The following NCOA7 variants were observed in gnomAD, a reference collection of about 807,000 sequenced individuals.
NCOA7 encodes the protein nuclear receptor coactivator 7, also known as 140 kDa estrogen receptor-associated protein.
NCOA7 carries 45 observed loss-of-function variants against 104.3 expected under a neutral mutation model. The observed-to-expected ratio is 0.43, with a 90% CI of 0.34 to 0.55. The LOEUF (loss-of-function observed/expected upper bound fraction) is 0.55, where lower values mean the gene tolerates loss of function less well. Among genes scored for constraint, NCOA7 ranks in the 20% least tolerant of loss-of-function variants. The pLI, the probability that NCOA7 is intolerant of heterozygous loss-of-function variation, is 0.02. For missense variants in NCOA7, 1,041 were observed against 1,119.7 expected, an observed-to-expected ratio of 0.93 and a Z score of 1.00; for synonymous variants, 398 against 402.3, an observed-to-expected ratio of 0.99 and a Z score of 0.13.
At chr6:125,922,591 G>A in intron 12 of NCOA7, 91 bp from the exon 13 acceptor site, 2 of 1,469,758 alleles carry the variant, frequency 1.4e-6, no homozygotes, top group Non-Finnish European at 1.9e-6. Flanking sequence ...ATGATACTGA[G>A]TTTGAATAAC....
chr6:125,867,735 T>C (rs1244718119), intron 3 of NCOA7, among the ~76,000 whole-genome samples: 1 of 152,230 alleles, frequency 6.6e-6, no homozygotes, highest in Non-Finnish European at 1.5e-5. Flanking sequence ...TACCACTAAA[T>C]TGGTGGATAC....
At chr6:125,873,208 A>G (rs1462381950) in intron 3 of NCOA7, among the ~76,000 whole-genome samples, 1 of 152,028 alleles carries the variant, frequency 6.6e-6, no homozygotes, top group Non-Finnish European at 1.5e-5. Flanking sequence ...GAGTTAATCA[A>G]CCTTCTCAGA....
intron 10 of NCOA7, among the ~76,000 whole-genome samples, chr6:125,912,826 A>C (rs934416207): frequency 1.3e-5 from 2 of 152,234 alleles, no homozygotes; most frequent in East Asian, 3.8e-4. Flanking sequence ...CAAAAAATAC[A>C]TATTCATATT....
chr6:125,886,433 GA>G (rs1322487354), intron 8 of NCOA7, among the ~76,000 whole-genome samples: 16 of 152,104 alleles, frequency 1.1e-4, no homozygotes, highest in Non-Finnish European at 1.5e-5. Context: ...TTCAGCCTAG[GA>G]TATTAAGTAT....
Position 125,889,074 on chromosome 6 carries a change from T to G in NCOA7, c.1020T>G (p.Ile340Met). ...AACGACAGCAGAATGGAGAGAAAAT[T>G]ATGACTTCGGATTCCAGACCAATAG... The part of the protein sequence containing the change: ...KEKRQQNGEK[I>M]MTSDSRPIVP... The change falls in exon 9 of 16, where the codon ATT becomes ATG. Residue 340 changes from isoleucine (I) to methionine (M), a missense_variant. Physicochemically the swap from Ile to Met is conservative, Grantham distance 10 (BLOSUM62 1). Around this residue, in one of 2 missense-constraint regions of NCOA7, gnomAD observed 914 missense variants for 942.7 expected, o/e 0.97. Coordinates refer to ENST00000392477, the MANE Select transcript of NCOA7 (RefSeq NM_181782.5). 1 of 1,614,084 alleles carries G rather than the reference T, an allele frequency of 6.2e-7. No individual in the cohort carries two copies. Among genetic ancestry groups the G allele is most frequent in the Non-Finnish European group, 8.5e-7 (1 of 1,179,978 alleles).
chr6:125,924,311 C>T (rs990117715), intron 13 of NCOA7, among the ~76,000 whole-genome samples: 4 of 152,144 alleles, frequency 2.6e-5, no homozygotes, highest in East Asian at 1.9e-4. Flanking sequence ...ACTTCCTGTG[C>T]GATTTGTAAA....
chr6:125,816,927 C>T (rs1218702010), intron 2 of NCOA7, among the ~76,000 whole-genome samples: 3 of 152,218 alleles, frequency 2.0e-5, no homozygotes, highest in Non-Finnish European at 4.4e-5. Context: ...TATCCCTACT[C>T]ACTCCTTCCA....
intron 8 of NCOA7, among the ~76,000 whole-genome samples, chr6:125,887,078 C>T (rs1200554309): frequency 6.6e-6 from 1 of 152,154 alleles, no homozygotes; most frequent in Non-Finnish European, 1.5e-5. Flanking sequence ...GCAGAAAAAG[C>T]AGATGGTGAA....
intron 2 of NCOA7, among the ~76,000 whole-genome samples, chr6:125,825,728 A>G (rs1223582714): frequency 6.6e-6 from 1 of 152,064 alleles, no homozygotes; most frequent in African/African-American, 2.4e-5. Flanking sequence ...CATGGCTCCA[A>G]CATCTTTTTT....
At chr6:125,790,770 G>A (rs1774751853), upstream of NCOA7, 1 of 152,402 alleles carries the variant, frequency 6.6e-6, no homozygotes, top group African/African-American at 2.4e-5. Context: ...CCCATGCCCT[G>A]ACGGGGGGCG....
At position 125,886,461 on chromosome 6, in the gene NCOA7, C is replaced by T. The variant is rs947354270; in HGVS notation, c.884+1118C>T. On this transcript the variant is annotated intron_variant, in intron 8 of 15. Transcript: ENST00000392477. ...ATTAAGTATTCTATTTAATAATAGA[C>T]AGTACATCTTTATATAAAAACTTCT... Among the ~76,000 whole-genome samples, 9 of 152,256 alleles carry T rather than the reference C, an allele frequency of 5.9e-5. No homozygotes were observed. The South Asian group carries it at 1.9e-3, about 32-fold the overall frequency.
At chr6:125,928,133 G>A in intron 14 of NCOA7, 41 bp from the exon 15 acceptor site, 2 of 1,530,350 alleles carry the variant, frequency 1.3e-6, no homozygotes, top group East Asian at 2.2e-5. Flanking sequence ...TAATTCTCCA[G>A]ATTAAAATGT....
chr6:125,909,638 G>A (rs1021169268), intron 10 of NCOA7, among the ~76,000 whole-genome samples: 15 of 152,050 alleles, frequency 9.9e-5, no homozygotes, highest in African/African-American at 9.7e-5. Context: ...GTGAAACCCC[G>A]TCTCTACTAA....
At chr6:125,836,794 A>G (rs1295836661) in intron 2 of NCOA7, among the ~76,000 whole-genome samples, 2 of 152,222 alleles carry the variant, frequency 1.3e-5, no homozygotes, top group East Asian at 3.8e-4. Flanking sequence ...AACAACTACT[A>G]AAAAATAAAA....
chr6:125,854,049 A>G (rs1176290248), intron 2 of NCOA7, among the ~76,000 whole-genome samples: 3 of 152,190 alleles, frequency 2.0e-5, no homozygotes, highest in Admixed American at 6.5e-5. Context: ...ACATATGCTC[A>G]AAAGGGTGAA....
intron 2 of NCOA7, among the ~76,000 whole-genome samples, chr6:125,847,551 T>A (rs1160640808): frequency 6.6e-6 from 1 of 152,222 alleles, no homozygotes; most frequent in Non-Finnish European, 1.5e-5. Context: ...AATTTAATAC[T>A]AATTAAAGCA....
chr6:125,853,208 T>G (rs2128618039), intron 2 of NCOA7, among the ~76,000 whole-genome samples: 2 of 152,312 alleles, frequency 1.3e-5, no homozygotes, highest in South Asian at 4.1e-4. Flanking sequence ...GATTGTCAGC[T>G]TGGTCATTGT....
intron 2 of NCOA7, among the ~76,000 whole-genome samples, chr6:125,836,392 G>A: frequency 6.6e-6 from 1 of 152,114 alleles, no homozygotes; most frequent in East Asian, 1.9e-4. Context: ...AAAGATTGAA[G>A]ATTCTTTGGT....
At chr6:125,852,806 TAA>T (rs2128617706) in intron 2 of NCOA7, among the ~76,000 whole-genome samples, 1 of 152,344 alleles carries the variant, frequency 6.6e-6, no homozygotes, top group Admixed American at 6.5e-5. Flanking sequence ...GCTGTTTTGG[TAA>T]CTATAGCTTT....
Sources: allele counts gnomAD v4.1 joint callset (sites outside exome capture counted in the v4.1 genomes callset), GRCh38; gene constraint gnomAD v4.1.1; regional missense constraint gnomAD v4.1.1; transcripts MANE v1.5; gene names NCBI Gene and HGNC (gene_info 2026-07-23, HGNC 2026-07-21).